The following ASAP1 variants were observed in gnomAD, a reference collection of about 807,000 sequenced individuals.
ASAP1 encodes arf-GAP with SH3 domain, ANK repeat and PH domain-containing protein 1.
ASAP1 carries 43 observed loss-of-function variants against 145.2 expected under a neutral mutation model. That is an observed-to-expected ratio of 0.30 (90% CI 0.23 to 0.38). The LOEUF is 0.38. Among genes scored for constraint, ASAP1 ranks in the 10% least tolerant of loss-of-function variants. ASAP1 has a pLI of 1.00. For missense variants in ASAP1, 1,018 were observed against 1,355.3 expected, an observed-to-expected ratio of 0.75 and a Z score of 3.91; for synonymous variants, 546 against 515.5, an observed-to-expected ratio of 1.06 and a Z score of -0.80.
At chr8:130,210,854 TGAG>T (rs1351182663) in intron 5 of ASAP1, among the ~76,000 whole-genome samples, 2 of 152,164 alleles carry the variant, frequency 1.3e-5, no homozygotes, top group Non-Finnish European at 2.9e-5. Flanking sequence ...AAAAATAAAA[TGAG>T]AAGATGTAAA....
At chr8:130,230,097 CAA>C (rs1487653513) in intron 4 of ASAP1, among the ~76,000 whole-genome samples, 26 of 150,832 alleles carry the variant, frequency 1.7e-4, no homozygotes, top group South Asian at 1.5e-3. Flanking sequence ...AACAAACAAA[CAA>C]ACAAACACCA....
chr8:130,118,043 T>A, intron 20 of ASAP1, 118 bp downstream of exon 20: 1 of 747,328 alleles, frequency 1.3e-6, no homozygotes, highest in Non-Finnish European at 2.1e-6. Context: ...ATAATTTTTA[T>A]ATCTAGCATG....
chr8:130,440,100 C>T (rs1054182055), intron 1 of ASAP1, among the ~76,000 whole-genome samples: 3 of 152,128 alleles, frequency 2.0e-5, no homozygotes, highest in African/African-American at 7.2e-5. Flanking sequence ...ATGCTATCTC[C>T]AAGATCTAAG....
chr8:130,167,371 C>A, intron 11 of ASAP1, 165 bp downstream of exon 11: 1 of 767,820 alleles, frequency 1.3e-6, no homozygotes, highest in Non-Finnish European at 2.4e-6. Flanking sequence ...TTCCTATAAG[C>A]AAGGAAAAGG....
intron 28 of ASAP1, among the ~76,000 whole-genome samples, chr8:130,058,892 A>C (rs1381204004): frequency 6.6e-6 from 1 of 152,158 alleles, no homozygotes; most frequent in Non-Finnish European, 1.5e-5. Flanking sequence ...GGGTTGGAGA[A>C]GCCTGGCAGA....
intron 2 of ASAP1, among the ~76,000 whole-genome samples, chr8:130,384,202 C>A (rs1303764315): frequency 6.6e-6 from 1 of 152,156 alleles, no homozygotes; most frequent in Non-Finnish European, 1.5e-5. Flanking sequence ...ATGGAATGAC[C>A]TCAAGTTACC....
intron 27 of ASAP1, among the ~76,000 whole-genome samples, chr8:130,065,123 C>A (rs2097427980): frequency 6.6e-6 from 1 of 152,082 alleles, no homozygotes; most frequent in African/African-American, 2.4e-5. Context: ...AAGTGATCTA[C>A]CCACCTTAGC....
intron 3 of ASAP1, among the ~76,000 whole-genome samples, chr8:130,266,362 T>C (rs116930820): frequency 0.018 from 2,673 of 152,064 alleles, 40 homozygotes; most frequent in East Asian, 0.064. Flanking sequence ...ATGAGGGGAA[T>C]CATATCAGTG....
chr8:130,314,183 C>T (rs73409347), intron 3 of ASAP1, among the ~76,000 whole-genome samples: 3,085 of 152,240 alleles, frequency 0.02, 101 homozygotes, highest in African/African-American at 0.072. Context: ...CCACTTACAC[C>T]CCACATATTA....
At chr8:130,212,755 T>C (rs1586604597) in intron 5 of ASAP1, among the ~76,000 whole-genome samples, 2 of 152,210 alleles carry the variant, frequency 1.3e-5, no homozygotes, top group African/African-American at 2.4e-5. Flanking sequence ...AGATGATGAA[T>C]GTTGGCCTGA....
intron 5 of ASAP1, among the ~76,000 whole-genome samples, chr8:130,189,352 C>A (rs1021117365): frequency 6.6e-6 from 1 of 152,142 alleles, no homozygotes; most frequent in Non-Finnish European, 1.5e-5. Flanking sequence ...AACCATCATT[C>A]TATTCTCTAT....
intron 5 of ASAP1, 62 bp downstream of exon 5, chr8:130,214,494 C>A: frequency 6.8e-7 from 1 of 1,471,800 alleles, no homozygotes; most frequent in Non-Finnish European, 9.2e-7. Flanking sequence ...GAAATGTTCT[C>A]TATATGACGT....
chr8:130,336,302 C>T (rs1205470944), intron 3 of ASAP1, among the ~76,000 whole-genome samples: 1 of 152,210 alleles, frequency 6.6e-6, no homozygotes, highest in African/African-American at 2.4e-5. Flanking sequence ...ATATATACAT[C>T]AATCATCCTT....
chr8:130,396,123 T>C (rs950953702), intron 2 of ASAP1, among the ~76,000 whole-genome samples: 3 of 152,294 alleles, frequency 2.0e-5, no homozygotes, highest in Non-Finnish European at 4.4e-5. Flanking sequence ...TGGCACTTAG[T>C]AGGTCGTCAG....
chr8:130,148,365 T>C (rs976699973), intron 13 of ASAP1, among the ~76,000 whole-genome samples: 10 of 152,238 alleles, frequency 6.6e-5, no homozygotes, highest in African/African-American at 1.9e-4. Context: ...ATTAGAAAAG[T>C]ATTCACTGAG....
At chr8:130,211,893 A>G (rs571573052) in intron 5 of ASAP1, among the ~76,000 whole-genome samples, 1 of 152,326 alleles carries the variant, frequency 6.6e-6, no homozygotes, top group East Asian at 1.9e-4. Context: ...CTAAGAGAAC[A>G]GGATTTTTGG....
At chr8:130,308,374 A>G (rs1189611284) in intron 3 of ASAP1, among the ~76,000 whole-genome samples, 1 of 152,260 alleles carries the variant, frequency 6.6e-6, no homozygotes, top group Non-Finnish European at 1.5e-5. Context: ...AATTTAAATC[A>G]AACAGACTAA....
chr8:130,188,316 G>C, intron 5 of ASAP1, 133 bp from the exon 6 acceptor site: 1 of 694,550 alleles, frequency 1.4e-6, no homozygotes, highest in South Asian at 1.7e-5. Context: ...TTATTTCATT[G>C]AACCTACATG....
intron 1 of ASAP1, among the ~76,000 whole-genome samples, chr8:130,440,608 A>T (rs1287687196): frequency 1.3e-5 from 2 of 151,990 alleles, no homozygotes. Flanking sequence ...ATGGCTTAGA[A>T]TCGGCTGTGT....
Sources: gnomAD v4.1 joint callset for allele counts (sites outside exome capture counted in the v4.1 genomes callset) on GRCh38, gnomAD v4.1.1 for gene constraint, MANE v1.5 for transcripts, NCBI Gene and HGNC (gene_info 2026-07-23, HGNC 2026-07-21) for gene names.